Variants in FAM180A observed in about 807,000 individuals in gnomAD.
FAM180A encodes family with sequence similarity 180 member A, also known as protein FAM180A.
Under a neutral mutation model 15.3 loss-of-function variants are expected in FAM180A, and 14 were observed. The observed-to-expected ratio is 0.92, with a 90% CI of 0.61 to 1.43. The LOEUF (loss-of-function observed/expected upper bound fraction) is 1.43, where lower values mean the gene tolerates loss of function less well. Ranked by LOEUF, FAM180A falls within the 40% of genes most tolerant of loss-of-function variation. FAM180A has a pLI of 0.00. For synonymous variants in FAM180A, 90 were observed against 96.8 expected (o/e 0.93, Z 0.41); for missense variants, 200 against 220.8 (o/e 0.91, Z 0.60).
intron 1 of FAM180A, among the ~76,000 whole-genome samples, chr7:135,744,003 C>A (rs1796993328): frequency 6.6e-6 from 1 of 152,136 alleles, no homozygotes; most frequent in Admixed American, 6.5e-5. Context: ...CACACCCTCC[C>A]CTTATCCCTG....
At chr7:135,747,921 T>A (rs113309612) in intron 1 of FAM180A, among the ~76,000 whole-genome samples, 8 of 152,196 alleles carry the variant, frequency 5.3e-5, no homozygotes, top group African/African-American at 1.9e-4. Flanking sequence ...AGGAAGTCAG[T>A]GATAAGAGAA....
At chr7:135,733,248 T>G (rs1404671283) in intron 3 of FAM180A, among the ~76,000 whole-genome samples, 1 of 152,230 alleles carries the variant, frequency 6.6e-6, no homozygotes, top group African/African-American at 2.4e-5. Context: ...AAATGTTCAT[T>G]CAACCCAGCA....
At position 135,735,198 on chromosome 7, in the gene FAM180A, C is replaced by T. The variant is rs146720366; in HGVS notation, c.178-879G>A. Among the ~76,000 whole-genome samples, 8 of 152,334 alleles carry T rather than the reference C, an allele frequency of 5.3e-5. No homozygotes were observed. In the East Asian group the frequency reaches 1.3e-3, roughly 26 times the overall value. The stretch of plus-strand genomic sequence containing the variant: ...GGATTACAGGCATGAGCCACTACCC[C>T]GAGCCAAATGACTGATTTTCTAACT... On this transcript the variant is annotated intron_variant, in intron 2 of 3. Transcript: ENST00000338588.
intron 1 of FAM180A, among the ~76,000 whole-genome samples, chr7:135,743,919 G>C (rs912381357): frequency 6.6e-6 from 1 of 152,100 alleles, no homozygotes. Flanking sequence ...TTCTAATAGG[G>C]TGAATCTAGA....
Position 135,729,736 on chromosome 7 carries a change from C to G in FAM180A, c.*875G>C. 1 of 985,366 alleles carries G rather than the reference C, an allele frequency of 1.0e-6. No homozygotes were observed. 61.0% of individuals were successfully genotyped at this position (985,366 alleles called of 1,614,324 possible). Reference sequence around the variant, plus strand: ...TTTTTCAGAGGAAGGAAACACTTTTCCAGAATACAATGCTCAAGAAATGTA... The same window carrying G: ...TTTTTCAGAGGAAGGAAACACTTTTGCAGAATACAATGCTCAAGAAATGTA... On this transcript the variant is annotated 3_prime_UTR_variant, in exon 4 of 4. Transcript: ENST00000338588.
At chr7:135,741,313 A>G (rs924061700) in intron 1 of FAM180A, among the ~76,000 whole-genome samples, 2 of 152,172 alleles carry the variant, frequency 1.3e-5, no homozygotes, top group Non-Finnish European at 2.9e-5. Flanking sequence ...GCTTCAGACA[A>G]TGGGAATGGC....
Position 135,738,965 on chromosome 7 carries a change from T to C in FAM180A, c.77-1766A>G, listed in dbSNP as rs149697059. 3.9e-5 allele frequency among the ~76,000 whole-genome samples: 6 copies of C among 152,332 alleles called. No individual in the cohort carries two copies. In the East Asian group the frequency reaches 9.6e-4, roughly 24 times the overall value. The stretch of plus-strand genomic sequence containing the variant: ...AAATGGCAGCTCTGCTAGTTGATAA[T>C]AGTGCCCTTGAGCCATTGAGAAAAG... On this transcript the variant is annotated intron_variant, in intron 1 of 3. Coordinates refer to ENST00000338588, the MANE Select transcript of FAM180A (RefSeq NM_205855.4).
Position 135,730,181 on chromosome 7 carries a change from T to C in FAM180A, c.*430A>G, listed in dbSNP as rs140768719. On this transcript the variant is annotated 3_prime_UTR_variant, in exon 4 of 4. Transcript: ENST00000338588. Reference sequence around the variant, plus strand: ...GAAGTCTGCAGCAGTTAAATGTCTGTTGATGTCTCTTGAGTGACATTGGAG... The same window carrying C: ...GAAGTCTGCAGCAGTTAAATGTCTGCTGATGTCTCTTGAGTGACATTGGAG... 1.3e-5 allele frequency: 13 copies of C among 985,412 alleles called. No homozygotes were observed. In the East Asian group the frequency reaches 1.0e-3, roughly 77 times the overall value. 61.0% of individuals were successfully genotyped at this position (985,412 alleles called of 1,614,324 possible).
At chr7:135,731,198 G>A (rs1158793249) in intron 3 of FAM180A, among the ~76,000 whole-genome samples, 1 of 152,070 alleles carries the variant, frequency 6.6e-6, no homozygotes, top group East Asian at 1.9e-4. Flanking sequence ...GAGCCTCGGG[G>A]CGGGATACAA....
chr7:135,737,278 C>A, intron 1 of FAM180A, 79 bp from the exon 2 acceptor site: 1 of 1,168,638 alleles, frequency 8.6e-7, no homozygotes, highest in South Asian at 1.6e-5. Context: ...TGAAGGTAGT[C>A]AAGGAGTCTT....
Position 135,730,136 on chromosome 7 carries a change from A to C in FAM180A, c.*475T>G, listed in dbSNP as rs1796760770. On this transcript the variant is annotated 3_prime_UTR_variant, in exon 4 of 4. Coordinates refer to ENST00000338588, the MANE Select transcript of FAM180A (RefSeq NM_205855.4). ...GAAATACTTTGATTTGTTAGATTCAAGGTGAGGTGACAGAGCAATGAAGTC... is the reference window on the plus strand; with the variant it reads ...GAAATACTTTGATTTGTTAGATTCACGGTGAGGTGACAGAGCAATGAAGTC... 2 of 985,344 alleles carry C rather than the reference A, an allele frequency of 2.0e-6. No homozygotes were observed. 61.0% of individuals were successfully genotyped at this position (985,344 alleles called of 1,614,324 possible).
intron 2 of FAM180A, among the ~76,000 whole-genome samples, chr7:135,735,401 C>T (rs1378365738): frequency 2.0e-5 from 3 of 152,172 alleles, no homozygotes; most frequent in South Asian, 2.1e-4. Context: ...TATTTGTCCT[C>T]GTCTCTGACC....
At position 135,729,637 on chromosome 7, in the gene FAM180A, G is replaced by T. The variant is rs1796752092; in HGVS notation, c.*974C>A. 1 of 982,872 alleles carries T rather than the reference G, an allele frequency of 1.0e-6. No individual in the cohort carries two copies. Among genetic ancestry groups the T allele is most frequent in the Non-Finnish European group, 1.2e-6 (1 of 827,636 alleles). The allele number at this position is 982,872 out of a possible 1,614,324, so 60.9% of individuals were successfully genotyped here. ...ATGACATCTTTATTATACCATAGAT[G>T]AATATTTGTTAAATAAAAATAGGTA... is the stretch of plus-strand genomic sequence containing the variant. On this transcript the variant is annotated 3_prime_UTR_variant, in exon 4 of 4. Transcript: ENST00000338588.
chr7:135,737,180 G>A lies in FAM180A; in HGVS notation c.96C>T (p.Ala32=), dbSNP rs746234705. The A allele has an allele frequency of 6.2e-7, 1 of 1,606,980 alleles. No individual in the cohort carries two copies. Among genetic ancestry groups the A allele is most frequent in the South Asian group, 1.1e-5 (1 of 89,672 alleles). Residue 32 remains alanine, a synonymous_variant, in exon 2 of 4, where the codon GCC becomes GCT. Coordinates refer to ENST00000338588, the MANE Select transcript of FAM180A (RefSeq NM_205855.4). ...GTGATGAGGACCTCTTTGGCCGGTGGGCGGCAGGGAAGAGCACAGCTGAAA... is the reference window on the plus strand; with the variant it reads ...GTGATGAGGACCTCTTTGGCCGGTGAGCGGCAGGGAAGAGCACAGCTGAAA... ...RWSRAVLFPA[A]HRPKRSSSLP...
Position 135,748,637 on chromosome 7 carries a change from G to T in FAM180A, c.-57C>A, listed in dbSNP as rs1356263260. 3 of 1,336,574 alleles carry T rather than the reference G, an allele frequency of 2.2e-6. No homozygotes were observed. The highest frequency in any genetic ancestry group is 1.7e-5 in the Admixed American group (1 of 59,564). 82.8% of individuals were successfully genotyped at this position (1,336,574 alleles called of 1,614,324 possible). ...CAAGCCCAGTGGAACCCCAGTAGCT[G>T]CAGGTATGCCCGTGCCGTTCTTCCC... On this transcript the variant is annotated 5_prime_UTR_variant, in exon 1 of 4. Transcript: ENST00000338588.
At chr7:135,731,546 A>G (rs1292111152) in intron 3 of FAM180A, among the ~76,000 whole-genome samples, 1 of 152,142 alleles carries the variant, frequency 6.6e-6, no homozygotes, top group East Asian at 1.9e-4. Context: ...AATAAAAGAA[A>G]GAAAGACAGA....
At chr7:135,737,377 A>T in intron 1 of FAM180A, among the ~76,000 whole-genome samples, 178 bp from the exon 2 acceptor site, 1 of 152,046 alleles carries the variant, frequency 6.6e-6, no homozygotes, top group Non-Finnish European at 1.5e-5. Context: ...ACCTGAAGTC[A>T]GGAGTTCGAA....
intron 1 of FAM180A, among the ~76,000 whole-genome samples, chr7:135,737,641 G>A (rs1796892153): frequency 6.6e-6 from 1 of 151,254 alleles, no homozygotes; most frequent in Non-Finnish European, 1.5e-5. Context: ...CTGGAAAGTG[G>A]TGGTGGACAC....
chr7:135,745,713 G>T (rs1797023221), intron 1 of FAM180A, among the ~76,000 whole-genome samples: 1 of 150,056 alleles, frequency 6.7e-6, no homozygotes, highest in South Asian at 2.2e-4. Context: ...TTGCCTGTGG[G>T]TTTACATCTA....
Sources: allele counts gnomAD v4.1 joint callset (sites outside exome capture counted in the v4.1 genomes callset), GRCh38; gene constraint gnomAD v4.1.1; transcripts MANE v1.5; gene names NCBI Gene and HGNC (gene_info 2026-07-23, HGNC 2026-07-21).